The following LRRTM4 variants were observed in gnomAD, a reference collection of about 807,000 sequenced individuals.
The protein encoded by LRRTM4 is leucine rich repeat transmembrane neuronal 4, also known as leucine-rich repeat transmembrane neuronal protein 4.
In LRRTM4, 25 loss-of-function variants were observed where a neutral mutation model predicts 47.6. That is an observed-to-expected ratio of 0.53 (90% CI 0.38 to 0.73). The LOEUF (loss-of-function observed/expected upper bound fraction) is 0.73. Ranked by LOEUF, LRRTM4 falls within the 30% of genes least tolerant of loss-of-function variation. The probability of loss-of-function intolerance (pLI) is 0.00; values close to 1 mark genes in which losing one functional copy is unlikely to be tolerated. For missense variants in LRRTM4, 638 were observed against 713.4 expected (o/e 0.89, Z 1.20); for synonymous variants, 311 against 269.5 (o/e 1.15, Z -1.51).
At chr2:77,011,300 G>A (rs1677863431) in intron 3 of LRRTM4, among the ~76,000 whole-genome samples, 1 of 151,952 alleles carries the variant, frequency 6.6e-6, no homozygotes, top group Non-Finnish European at 1.5e-5. Context: ...GAGTGTATTT[G>A]TACTCATATC....
intron 3 of LRRTM4, among the ~76,000 whole-genome samples, chr2:76,937,880 A>T (rs375401784): frequency 3.3e-5 from 5 of 152,048 alleles, no homozygotes; most frequent in Admixed American, 2.0e-4. Context: ...TTATATATAT[A>T]TTTTTAAAAA....
intron 3 of LRRTM4, among the ~76,000 whole-genome samples, chr2:77,207,654 C>T (rs966923952): frequency 3.3e-5 from 5 of 151,734 alleles, no homozygotes; most frequent in Non-Finnish European, 7.4e-5. Context: ...ATGCCTATAA[C>T]AATCACTGAC....
intron 3 of LRRTM4, among the ~76,000 whole-genome samples, chr2:76,807,460 A>ATATATATATATG (rs1670548405): frequency 1.1e-5 from 1 of 95,024 alleles, no homozygotes; most frequent in African/African-American, 5.2e-5. Flanking sequence ...ATATATATAC[A>ATATATATATATG]TATATATATA....
At chr2:76,798,041 T>C (rs4852418) in intron 3 of LRRTM4, among the ~76,000 whole-genome samples, 12,286 of 131,308 alleles carry the variant, frequency 0.094, 842 homozygotes, top group African/African-American at 0.14. Context: ...GACAGATCAA[T>C]GAGACAGAAA....
At chr2:77,012,203 T>C (rs962022070) in intron 3 of LRRTM4, among the ~76,000 whole-genome samples, 1 of 152,176 alleles carries the variant, frequency 6.6e-6, no homozygotes, top group African/African-American at 2.4e-5. Flanking sequence ...CAGGGAAGCT[T>C]ACTCAAGTAT....
chr2:77,079,842 G>A (rs905780843), intron 3 of LRRTM4, among the ~76,000 whole-genome samples: 1 of 151,322 alleles, frequency 6.6e-6, no homozygotes, highest in African/African-American at 2.4e-5. Context: ...CTTTTTTTTA[G>A]TTTTCTGTAT....
At chr2:77,317,939 A>G (rs1353168328) in intron 3 of LRRTM4, among the ~76,000 whole-genome samples, 1 of 151,966 alleles carries the variant, frequency 6.6e-6, no homozygotes, top group Non-Finnish European at 1.5e-5. Flanking sequence ...CTCAAAAGAT[A>G]TAAAACTAAT....
At chr2:76,952,874 A>G (rs1414443332) in intron 3 of LRRTM4, among the ~76,000 whole-genome samples, 1 of 152,006 alleles carries the variant, frequency 6.6e-6, no homozygotes, top group Non-Finnish European at 1.5e-5. Context: ...GATATCATGT[A>G]CTTTGCAGCA....
In LRRTM4 at chr2:77,408,291, T is replaced by C. The variant is rs75075842; in HGVS notation, c.1551+110027A>G. 6.2e-3 allele frequency among the ~76,000 whole-genome samples: 951 copies of C among 152,294 alleles called. 11 individuals carry two copies. Among genetic ancestry groups the C allele is most frequent in the African/African-American group, 0.022 (912 of 41,578 alleles). On this transcript the variant is annotated intron_variant, in intron 3 of 3. Coordinates refer to ENST00000409884, the MANE Select transcript of LRRTM4 (RefSeq NM_001134745.3). ...CTCCCAACTCCATGGTTTTGTAATC[T>C]TTGCTTTCATATCTGCTATCTAATT...
intron 3 of LRRTM4, among the ~76,000 whole-genome samples, chr2:77,279,414 A>G (rs565404406): frequency 5.9e-4 from 89 of 152,042 alleles, no homozygotes; most frequent in Non-Finnish European, 1.0e-3. Flanking sequence ...ATTCATATTC[A>G]TACATCATTT....
intron 3 of LRRTM4, among the ~76,000 whole-genome samples, chr2:77,228,538 T>C (rs1484369384): frequency 6.6e-6 from 1 of 152,166 alleles, no homozygotes; most frequent in Non-Finnish European, 1.5e-5. Flanking sequence ...TTTCCAACCA[T>C]GTCTCCTCAT....
intron 3 of LRRTM4, among the ~76,000 whole-genome samples, chr2:77,026,741 T>C (rs1026464707): frequency 1.3e-5 from 2 of 152,082 alleles, no homozygotes; most frequent in African/African-American, 4.8e-5. Context: ...TATATTCACA[T>C]ACAAATTGTT....
At chr2:76,908,169 G>C (rs938186472) in intron 3 of LRRTM4, among the ~76,000 whole-genome samples, 3 of 149,152 alleles carry the variant, frequency 2.0e-5, no homozygotes, top group South Asian at 2.1e-4. Context: ...TTCATCCCTG[G>C]GATGCAAGGC....
intron 3 of LRRTM4, among the ~76,000 whole-genome samples, chr2:77,471,819 C>T (rs12472501): frequency 0.25 from 38,189 of 152,072 alleles, 5,138 homozygotes; most frequent in East Asian, 0.37. Flanking sequence ...TTATTTTTCT[C>T]AATGATGCTT....
chr2:76,966,506 C>G (rs961445700), intron 3 of LRRTM4, among the ~76,000 whole-genome samples: 1 of 151,386 alleles, frequency 6.6e-6, no homozygotes, highest in Non-Finnish European at 1.5e-5. Context: ...GCATAAGGCT[C>G]TTTCACTTCT....
At chr2:76,853,400 T>G (rs1672055932) in intron 3 of LRRTM4, among the ~76,000 whole-genome samples, 1 of 152,112 alleles carries the variant, frequency 6.6e-6, no homozygotes, top group African/African-American at 2.4e-5. Flanking sequence ...AAGATCTAAA[T>G]TGTTGAGAGC....
chr2:77,061,730 A>G (rs1394204918), intron 3 of LRRTM4, among the ~76,000 whole-genome samples: 1 of 152,180 alleles, frequency 6.6e-6, no homozygotes, highest in African/African-American at 2.4e-5. Context: ...CTACCACATA[A>G]TGCCCATCCA....
chr2:77,134,557 C>T (rs1671882473), intron 3 of LRRTM4, among the ~76,000 whole-genome samples: 1 of 152,126 alleles, frequency 6.6e-6, no homozygotes, highest in Non-Finnish European at 1.5e-5. Context: ...GGACTTAATG[C>T]TTCAGTTTTC....
intron 3 of LRRTM4, among the ~76,000 whole-genome samples, chr2:76,821,536 C>T (rs1671052818): frequency 6.6e-6 from 1 of 151,476 alleles, no homozygotes; most frequent in African/African-American, 2.4e-5. Flanking sequence ...TGTACAAAAC[C>T]AGCTTGATTG....
Sources: gnomAD v4.1 joint callset for allele counts (sites outside exome capture counted in the v4.1 genomes callset) on GRCh38, gnomAD v4.1.1 for gene constraint, MANE v1.5 for transcripts, NCBI Gene and HGNC (gene_info 2026-07-23, HGNC 2026-07-21) for gene names.